Variants in MYO5C observed in about 807,000 individuals in gnomAD.
The protein encoded by MYO5C is unconventional myosin-Vc.
A neutral mutation model predicts 235.7 loss-of-function variants in MYO5C; 194 were observed. The ratio of observed to expected loss-of-function variants is 0.82; its 90% CI spans 0.73 to 0.93. The LOEUF is 0.93. Ranked by LOEUF, MYO5C falls within the 40% of genes least tolerant of loss-of-function variation. The probability of loss-of-function intolerance (pLI) is 0.00; values close to 1 mark genes in which losing one functional copy is unlikely to be tolerated. For synonymous variants in MYO5C, 707 were observed against 754.8 expected (o/e 0.94, Z 1.04); for missense variants, 2,038 against 2,127.2 (o/e 0.96, Z 0.82).
intron 1 of MYO5C, among the ~76,000 whole-genome samples, chr15:52,291,729 A>ATTTTTT (rs1317823747): frequency 4.3e-5 from 2 of 46,724 alleles, no homozygotes; most frequent in African/African-American, 7.7e-5. Context: ...TGCATATTTT[A>ATTTTTT]TGTTTTTTTT....
rs1171106545 is a variant in MYO5C at position 52,219,945 on chromosome 15, C to T, written c.3722-123G>A. 11 of 668,990 alleles carry T rather than the reference C, an allele frequency of 1.6e-5. No individual in the cohort carries two copies. The East Asian group carries it at 3.0e-4, about 19-fold the overall frequency. 41.4% of individuals were successfully genotyped at this position (668,990 alleles called of 1,614,324 possible). A position where few individuals can be genotyped will look rare whatever the true frequency, so the allele number is the denominator to read the frequency against. On this transcript the variant is annotated intron_variant, in intron 30 of 40. Coordinates refer to ENST00000261839, the MANE Select transcript of MYO5C (RefSeq NM_018728.4). The stretch of plus-strand genomic sequence containing the variant: ...AGGGGTGTCCGATCTTTTGGCTTCT[C>T]TGGCCCATATTGGAAGAAGAATTGT...
intron 39 of MYO5C, among the ~76,000 whole-genome samples, chr15:52,196,028 C>T (rs1246963314): frequency 7.5e-6 from 1 of 132,960 alleles, no homozygotes; most frequent in Non-Finnish European, 1.5e-5. Context: ...CCAGACTAGT[C>T]TCAAACTCCT....
intron 20 of MYO5C, 25 bp downstream of exon 20, chr15:52,242,023 T>C (rs776168404): frequency 6.3e-7 from 1 of 1,589,690 alleles, no homozygotes; most frequent in Admixed American, 1.7e-5. Context: ...CACCCTCCCT[T>C]CCTCTAGACA....
intron 10 of MYO5C, 30 bp downstream of exon 10, chr15:52,260,832 G>T: frequency 1.9e-6 from 3 of 1,609,110 alleles, no homozygotes; most frequent in Non-Finnish European, 2.5e-6. Flanking sequence ...TTTAAAGGAG[G>T]AAAGACAGGC....
At chr15:52,264,038 G>T in intron 9 of MYO5C, 152 bp downstream of exon 9, 3 of 584,072 alleles carry the variant, frequency 5.1e-6, no homozygotes, top group Non-Finnish European at 9.1e-6. Flanking sequence ...TTGAAGGCAA[G>T]CCCTGGAAAC....
chr15:52,247,045 C>T (rs781048675), intron 15 of MYO5C, 31 bp from the exon 16 acceptor site: 1 of 1,578,392 alleles, frequency 6.3e-7, no homozygotes, highest in South Asian at 1.1e-5. Context: ...TCAAACATGG[C>T]TCTGAAATAA....
chr15:52,201,746 A>G (rs911055104), intron 38 of MYO5C, among the ~76,000 whole-genome samples: 1 of 152,044 alleles, frequency 6.6e-6, no homozygotes, highest in Non-Finnish European at 1.5e-5. Flanking sequence ...GATCTAATAT[A>G]TAAGACCACT....
At chr15:52,225,695 T>C (rs149222091) in intron 25 of MYO5C, among the ~76,000 whole-genome samples, 163 bp from the exon 26 acceptor site, 189 of 152,332 alleles carry the variant, frequency 1.2e-3, no homozygotes, top group South Asian at 0.01. Flanking sequence ...CCTACACAGC[T>C]TGGCCTTGAA....
chr15:52,242,355 T>A (rs2036244806), intron 19 of MYO5C, 142 bp from the exon 20 acceptor site: 1 of 886,694 alleles, frequency 1.1e-6, no homozygotes, highest in South Asian at 1.7e-5. Flanking sequence ...GTGGGCAGTT[T>A]ATTCTAATGC....
intron 1 of MYO5C, among the ~76,000 whole-genome samples, chr15:52,288,796 G>A (rs79043101): frequency 0.058 from 8,786 of 152,250 alleles, 505 homozygotes; most frequent in African/African-American, 0.14. Flanking sequence ...AGCGGAGCCA[G>A]GAAAGAGAGG....
intron 20 of MYO5C, among the ~76,000 whole-genome samples, chr15:52,240,427 C>T (rs1157897706): frequency 6.6e-6 from 1 of 151,136 alleles, no homozygotes; most frequent in East Asian, 1.9e-4. Context: ...AAAAATTAGC[C>T]AGGTGTGGTG....
chr15:52,225,174 T>C (rs1247849441), intron 26 of MYO5C, 36 bp from the exon 27 acceptor site: 3 of 1,607,702 alleles, frequency 1.9e-6, no homozygotes, highest in Non-Finnish European at 2.6e-6. Context: ...ATATTACATT[T>C]GTGGATGATT....
chr15:52,212,132 G>A (rs1227834395), intron 34 of MYO5C, among the ~76,000 whole-genome samples: 1 of 152,216 alleles, frequency 6.6e-6, no homozygotes, highest in Non-Finnish European at 1.5e-5. Context: ...ATAAGAGACA[G>A]AATCTTTATT....
intron 10 of MYO5C, 127 bp from the exon 11 acceptor site, chr15:52,256,847 C>T: frequency 1.5e-6 from 1 of 669,578 alleles, no homozygotes; most frequent in Non-Finnish European, 2.6e-6. Flanking sequence ...AAATACCCCT[C>T]AAAGCTTCTG....
At chr15:52,212,005 A>G in intron 34 of MYO5C, 121 bp from the exon 35 acceptor site, 1 of 948,364 alleles carries the variant, frequency 1.1e-6, no homozygotes, top group Non-Finnish European at 1.5e-6. Context: ...CTGAATGTAT[A>G]TGGATTTATT....
intron 8 of MYO5C, among the ~76,000 whole-genome samples, chr15:52,265,371 T>C (rs1397743108): frequency 6.6e-6 from 1 of 151,946 alleles, no homozygotes; most frequent in Non-Finnish European, 1.5e-5. Flanking sequence ...CTTAAGCAGC[T>C]GAGAGATGCG....
At position 52,218,610 on chromosome 15, in the gene MYO5C, GCCT is replaced by G. The variant is rs1566965976; in HGVS notation, c.3860_3862del (p.Glu1287del). 2 of 1,614,066 alleles carry G rather than the reference GCCT, an allele frequency of 1.2e-6. No homozygotes were observed. The highest frequency in any genetic ancestry group is 4.5e-5 in the East Asian group (2 of 44,874). On this transcript the variant is annotated inframe_deletion, in exon 32 of 41. Coordinates refer to ENST00000261839, the MANE Select transcript of MYO5C (RefSeq NM_018728.4). Reference sequence around the variant, plus strand: ...AAATTGTTTCTTCAAGTGGTCACTGGCCTCCTGCATTTCTTGAATCTTATCAAT... The same window carrying G: ...AAATTGTTTCTTCAAGTGGTCACTGGCCTGCATTTCTTGAATCTTATCAAT...
chr15:52,261,529 A>G (rs554166718), intron 9 of MYO5C, among the ~76,000 whole-genome samples: 2 of 152,200 alleles, frequency 1.3e-5, no homozygotes, highest in African/African-American at 2.4e-5. Context: ...CAGAGTGTGC[A>G]CTCACCCTGC....
At chr15:52,228,611 TA>T (rs1357883880) in intron 25 of MYO5C, among the ~76,000 whole-genome samples, 2 of 152,266 alleles carry the variant, frequency 1.3e-5, no homozygotes, top group African/African-American at 4.8e-5. Flanking sequence ...ATTAACATGT[TA>T]TCACCTCAAA....
Sources: gnomAD v4.1 joint callset for allele counts (sites outside exome capture counted in the v4.1 genomes callset) on GRCh38, gnomAD v4.1.1 for gene constraint, MANE v1.5 for transcripts, NCBI Gene and HGNC (gene_info 2026-07-23, HGNC 2026-07-21) for gene names.